The following TULP3 variants were observed in gnomAD, a reference collection of about 807,000 sequenced individuals.
TULP3 encodes TUB like protein 3.
TULP3 carries 38 observed loss-of-function variants against 50.7 expected under a neutral mutation model. That is an observed-to-expected ratio of 0.75 (90% CI 0.58 to 0.98). The LOEUF (loss-of-function observed/expected upper bound fraction) is 0.98. Ranked by LOEUF, TULP3 falls within the 50% of genes least tolerant of loss-of-function variation. The probability of loss-of-function intolerance (pLI) is 0.00; values close to 1 mark genes in which losing one functional copy is unlikely to be tolerated. For missense variants in TULP3, 550 were observed against 568.0 expected (o/e 0.97, Z 0.32); for synonymous variants, 183 against 196.6 (o/e 0.93, Z 0.58).
At chr12:2,923,078 A>G (rs1270071659) in intron 4 of TULP3, among the ~76,000 whole-genome samples, 2 of 151,728 alleles carry the variant, frequency 1.3e-5, no homozygotes, top group Non-Finnish European at 2.9e-5. Flanking sequence ...GATGGTATCA[A>G]TCTCCTGACC....
intron 2 of TULP3, among the ~76,000 whole-genome samples, chr12:2,916,471 A>G (rs2098188772): frequency 1.3e-5 from 2 of 152,226 alleles, no homozygotes; most frequent in Non-Finnish European, 2.9e-5. Context: ...TCAATTCCCA[A>G]GATAATTAGG....
At chr12:2,937,780 C>T in intron 9 of TULP3, 51 bp downstream of exon 9, 1 of 1,074,752 alleles carries the variant, frequency 9.3e-7, no homozygotes. Context: ...GACAGTAGTA[C>T]AATACACAGA....
In TULP3 at chr12:2,934,249, G is replaced by A. The variant is rs574145190; in HGVS notation, c.810-198G>A. ...GGGCGACAGAGCGAGACCCTGTCTCGAATTAGTAAGTAAATAAAAAGTTAA... is the reference window on the plus strand; with the variant it reads ...GGGCGACAGAGCGAGACCCTGTCTCAAATTAGTAAGTAAATAAAAAGTTAA... On this transcript the variant is annotated intron_variant, in intron 7 of 10. Transcript: ENST00000448120. Among the ~76,000 whole-genome samples the A allele has an allele frequency of 3.3e-5, 5 of 152,214 alleles. No individual in the cohort carries two copies. In the South Asian group the frequency reaches 6.2e-4, roughly 19 times the overall value.
At chr12:2,905,303 A>C (rs1358048885) in intron 1 of TULP3, among the ~76,000 whole-genome samples, 1 of 150,942 alleles carries the variant, frequency 6.6e-6, no homozygotes, top group Non-Finnish European at 1.5e-5. Context: ...CTCTTGCCTA[A>C]GCCTCCCGAG....
chr12:2,898,497 C>T (rs560045479), intron 1 of TULP3, among the ~76,000 whole-genome samples: 12 of 152,196 alleles, frequency 7.9e-5, no homozygotes, highest in African/African-American at 2.6e-4. Flanking sequence ...CTTAACCAAA[C>T]GTTTTTGGTT....
Position 2,909,531 on chromosome 12 carries a change from T to A in TULP3, c.44T>A (p.Val15Asp). ...RCRLSPSGDS[V>D]FHEEMMKMRQ... is the part of the protein sequence containing the mutation. Reference sequence around the variant, plus strand: ...TTTATTTTTTTTTTTTTTAACAGTGTCTTCCATGAAGAAATGATGAAGATG... The same window carrying A: ...TTTATTTTTTTTTTTTTTAACAGTGACTTCCATGAAGAAATGATGAAGATG... Residue 15 changes from valine (V) to aspartate (D), a missense_variant and splice_region_variant, in exon 2 of 11, where the codon GTC (valine) becomes GAC (aspartate). By Grantham distance (152) the Val-to-Asp change is radical. Coordinates refer to ENST00000448120, the MANE Select transcript of TULP3 (RefSeq NM_003324.5). The A allele has an allele frequency of 6.4e-7, 1 of 1,574,260 alleles. No individual in the cohort carries two copies.
chr12:2,936,086 G>A (rs1285879574), intron 8 of TULP3, among the ~76,000 whole-genome samples: 2 of 151,914 alleles, frequency 1.3e-5, no homozygotes, highest in African/African-American at 2.4e-5. Flanking sequence ...GGCCAACATG[G>A]CAAAAACCCG....
chr12:2,927,366 A>AT (rs71057864), intron 4 of TULP3, among the ~76,000 whole-genome samples: 1,074 of 105,182 alleles, frequency 0.01, 61 homozygotes, highest in East Asian at 0.083. Flanking sequence ...GTTGAGACTG[A>AT]TTTTTTTTTT....
At chr12:2,898,316 AG>A (rs2098176773) in intron 1 of TULP3, among the ~76,000 whole-genome samples, 2 of 152,146 alleles carry the variant, frequency 1.3e-5, no homozygotes, top group South Asian at 4.1e-4. Flanking sequence ...AGGCCAAGCC[AG>A]GGGTCAGCAG....
At chr12:2,891,237 T>C (rs2191208) in intron 1 of TULP3, among the ~76,000 whole-genome samples, 76,671 of 151,884 alleles carry the variant, frequency 0.5, 19,961 homozygotes, top group African/African-American at 0.65. Flanking sequence ...GGTCCCTGCT[T>C]AGGAACTTCT....
At chr12:2,903,548 G>A (rs1157972273) in intron 1 of TULP3, among the ~76,000 whole-genome samples, 1 of 143,722 alleles carries the variant, frequency 7.0e-6, no homozygotes, top group Non-Finnish European at 1.5e-5. Flanking sequence ...GGCAACAAGC[G>A]CGAGACTCTA....
intron 1 of TULP3, among the ~76,000 whole-genome samples, chr12:2,896,528 TC>T (rs1289678289): frequency 6.6e-6 from 1 of 152,232 alleles, no homozygotes; most frequent in Non-Finnish European, 1.5e-5. Flanking sequence ...TTGGGCTCTT[TC>T]GCTGATCAGC....
intron 5 of TULP3, among the ~76,000 whole-genome samples, chr12:2,930,618 T>C (rs2098197421): frequency 6.6e-6 from 1 of 151,970 alleles, no homozygotes; most frequent in African/African-American, 2.4e-5. Flanking sequence ...AGAGACAGGG[T>C]TTCACCATGT....
chr12:2,924,449 G>T (rs909013973), intron 4 of TULP3, among the ~76,000 whole-genome samples: 2 of 151,580 alleles, frequency 1.3e-5, no homozygotes, highest in Non-Finnish European at 3.0e-5. Flanking sequence ...AGGCTGAGGT[G>T]GGAGTATTGC....
At chr12:2,928,389 A>T (rs940634558) in intron 4 of TULP3, among the ~76,000 whole-genome samples, 1 of 151,522 alleles carries the variant, frequency 6.6e-6, no homozygotes, top group Non-Finnish European at 1.5e-5. Context: ...AATTAACCGG[A>T]TGTGGTGGCA....
chr12:2,892,950 A>C (rs370663271), intron 1 of TULP3, among the ~76,000 whole-genome samples: 89 of 149,534 alleles, frequency 6.0e-4, no homozygotes, highest in African/African-American at 2.1e-3. Flanking sequence ...ACTAATTTCA[A>C]CCTCTTCCCC....
Position 2,931,117 on chromosome 12 carries a change from T to C in TULP3, c.573T>C (p.Phe191=). 1.2e-6 allele frequency: 2 copies of C among 1,614,186 alleles called. No individual in the cohort carries two copies. Among genetic ancestry groups the C allele is most frequent in the Non-Finnish European group, 1.7e-6 (2 of 1,180,046 alleles). ...GAGACATAGACGACCTGGAGGACTT[T>C]GTGTATAGTCCTGCCCCTCAAGGTG... The part of the protein sequence containing the change: ...LLGDIDDLED[F]VYSPAPQGVT... The change falls in exon 6 of 11, where the codon TTT becomes TTC. Residue 191 remains phenylalanine (F), a synonymous_variant. Transcript: ENST00000448120.
At chr12:2,938,517 T>C (rs989133605) in intron 10 of TULP3, among the ~76,000 whole-genome samples, 2 of 152,064 alleles carry the variant, frequency 1.3e-5, no homozygotes, top group Non-Finnish European at 2.9e-5. Flanking sequence ...AGAAGTTGGC[T>C]GGGCACCATG....
chr12:2,912,091 A>G (rs1159963340), intron 2 of TULP3, among the ~76,000 whole-genome samples: 8 of 152,322 alleles, frequency 5.3e-5, no homozygotes, highest in Admixed American at 5.2e-4. Context: ...CAAATGGTGT[A>G]TAACAGCAAC....
Sources: allele counts gnomAD v4.1 joint callset (sites outside exome capture counted in the v4.1 genomes callset), GRCh38; gene constraint gnomAD v4.1.1; transcripts MANE v1.5; gene names NCBI Gene and HGNC (gene_info 2026-07-23, HGNC 2026-07-21).